The following KCNH7 variants were observed in gnomAD, a reference collection of about 807,000 sequenced individuals.
The protein encoded by KCNH7 is potassium voltage-gated channel subfamily H member 7.
KCNH7 carries 49 observed loss-of-function variants against 120.8 expected under a neutral mutation model. The ratio of observed to expected loss-of-function variants is 0.41; its 90% CI spans 0.32 to 0.51. The LOEUF is 0.51. Ranked by LOEUF, KCNH7 falls within the 20% of genes least tolerant of loss-of-function variation. The probability of loss-of-function intolerance (pLI) is 0.38; values close to 1 mark genes in which losing one functional copy is unlikely to be tolerated. For missense variants in KCNH7, 1,097 were observed against 1,446.6 expected, an observed-to-expected ratio of 0.76 and a Z score of 3.92; for synonymous variants, 547 against 516.1, an observed-to-expected ratio of 1.06 and a Z score of -0.81.
At chr2:162,624,596 G>A (rs1159727880) in intron 2 of KCNH7, among the ~76,000 whole-genome samples, 1 of 152,026 alleles carries the variant, frequency 6.6e-6, no homozygotes, top group African/African-American at 2.4e-5. Flanking sequence ...AATTTCCAAA[G>A]TTCTATTCAA....
At chr2:162,732,114 T>C (rs1687750528) in intron 2 of KCNH7, among the ~76,000 whole-genome samples, 1 of 152,026 alleles carries the variant, frequency 6.6e-6, no homozygotes, top group Non-Finnish European at 1.5e-5. Flanking sequence ...TCCAGAGTGG[T>C]GTAGGGAGCA....
At chr2:162,566,131 C>T (rs1440242543) in intron 2 of KCNH7, among the ~76,000 whole-genome samples, 1 of 151,864 alleles carries the variant, frequency 6.6e-6, no homozygotes, top group Admixed American at 6.6e-5. Context: ...GAGGCCGCTG[C>T]CTTTTGGGGA....
chr2:162,644,443 A>G (rs1237670945), intron 2 of KCNH7, among the ~76,000 whole-genome samples: 1 of 152,202 alleles, frequency 6.6e-6, no homozygotes, highest in African/African-American at 2.4e-5. Context: ...CTTAGTTTCT[A>G]TCACAACATA....
chr2:162,533,446 C>A (rs1266854844), intron 3 of KCNH7, among the ~76,000 whole-genome samples: 2 of 151,018 alleles, frequency 1.3e-5, no homozygotes, highest in Non-Finnish European at 3.0e-5. Flanking sequence ...AAGACACAAC[C>A]AAAACAAAGG....
intron 2 of KCNH7, among the ~76,000 whole-genome samples, chr2:162,776,813 T>G (rs1010567843): frequency 6.6e-6 from 1 of 152,210 alleles, no homozygotes; most frequent in Non-Finnish European, 1.5e-5. Context: ...CTGCTTCTCA[T>G]TCCCCATGGA....
chr2:162,578,898 T>A (rs1006280911), intron 2 of KCNH7, among the ~76,000 whole-genome samples: 2 of 151,756 alleles, frequency 1.3e-5, no homozygotes, highest in African/African-American at 4.8e-5. Flanking sequence ...TCTACTAAAA[T>A]CAAAAATTAG....
chr2:162,571,807 A>G (rs1161241373), intron 2 of KCNH7, among the ~76,000 whole-genome samples: 1 of 150,412 alleles, frequency 6.6e-6, no homozygotes, highest in South Asian at 2.1e-4. Context: ...AGGATTCCCT[A>G]TTTAATACAT....
chr2:162,761,561 A>AACATTTAAC (rs1688966975), intron 2 of KCNH7, among the ~76,000 whole-genome samples: 1 of 152,126 alleles, frequency 6.6e-6, no homozygotes. Context: ...ACATTCTACT[A>AACATTTAAC]AGCACTTTGA....
chr2:162,522,202 C>T (rs1691556396), intron 3 of KCNH7, among the ~76,000 whole-genome samples: 2 of 151,962 alleles, frequency 1.3e-5, no homozygotes, highest in Middle Eastern at 6.8e-3. Flanking sequence ...CTTTAATGCA[C>T]ATGAAATTGA....
intron 2 of KCNH7, among the ~76,000 whole-genome samples, chr2:162,717,558 T>TC (rs1687172014): frequency 1.3e-5 from 2 of 152,080 alleles, no homozygotes; most frequent in Admixed American, 1.3e-4. Flanking sequence ...GGAACACATT[T>TC]CCACTATCTG....
At chr2:162,640,852 A>G (rs1684128977) in intron 2 of KCNH7, among the ~76,000 whole-genome samples, 1 of 152,170 alleles carries the variant, frequency 6.6e-6, no homozygotes, top group Non-Finnish European at 1.5e-5. Context: ...AAACAACCCA[A>G]CTAGAAAATA....
At chr2:162,808,897 G>C (rs1331675517) in intron 2 of KCNH7, among the ~76,000 whole-genome samples, 7 of 152,186 alleles carry the variant, frequency 4.6e-5, no homozygotes, top group African/African-American at 1.2e-4. Context: ...TTTTGGATGG[G>C]ATAAGTAATC....
chr2:162,786,706 A>G (rs1355301700), intron 2 of KCNH7, among the ~76,000 whole-genome samples: 1 of 152,180 alleles, frequency 6.6e-6, no homozygotes, highest in Non-Finnish European at 1.5e-5. Context: ...AACATGACCT[A>G]TGTTGATTTG....
At position 162,518,049 on chromosome 2, in the gene KCNH7, AC is replaced by A; in HGVS notation, c.572del (p.Ser191MetfsTer5). 6.2e-7 allele frequency: 1 copy of A among 1,612,324 alleles called. No homozygotes were observed. The highest frequency in any genetic ancestry group is 8.5e-7 in the Non-Finnish European group (1 of 1,178,808). Reference sequence around the variant, plus strand: ...AATGCTTCATGGCTACTGAATCATCACTGTGTTTAGATGAATCGATGACCAC... The same window carrying A: ...AATGCTTCATGGCTACTGAATCATCATGTGTTTAGATGAATCGATGACCAC... ...DVVVIDSSKH[S>X]DDSVAMKHFK... On this transcript the variant is annotated frameshift_variant, in exon 4 of 16. Transcript: ENST00000332142. LOFTEE classifies it high-confidence loss of function.
At chr2:162,773,499 A>G (rs1165997650) in intron 2 of KCNH7, among the ~76,000 whole-genome samples, 1 of 152,172 alleles carries the variant, frequency 6.6e-6, no homozygotes. Context: ...AAAAAACAAA[A>G]CACAGAAAAC....
intron 6 of KCNH7, among the ~76,000 whole-genome samples, chr2:162,456,472 T>C (rs1258028660): frequency 1.3e-5 from 2 of 152,142 alleles, no homozygotes; most frequent in South Asian, 2.1e-4. Flanking sequence ...CTGAGAAGAA[T>C]GTATATTCTA....
Position 162,720,592 on chromosome 2 carries a change from A to T in KCNH7, c.307+115945T>A, listed in dbSNP as rs150618954. Among the ~76,000 whole-genome samples, 314 of 152,206 alleles carry T rather than the reference A, an allele frequency of 2.1e-3. 3 individuals are homozygous for T. The highest frequency in any genetic ancestry group is 7.2e-3 in the African/African-American group (301 of 41,550). On this transcript the variant is annotated intron_variant, in intron 2 of 15. Transcript: ENST00000332142. ...ATTTAAAAATAATAACAATATATAC[A>T]ATACTCTGTTGTAAGTTTCATATAG...
rs539729215 is a variant in KCNH7, at chr2:162,714,556, T to C, written c.307+121981A>G. 3.3e-4 allele frequency among the ~76,000 whole-genome samples: 50 copies of C among 152,296 alleles called. 1 individual carries two copies. Among genetic ancestry groups the C allele is most frequent in the African/African-American group, 1.2e-3 (49 of 41,556 alleles). On this transcript the variant is annotated intron_variant, in intron 2 of 15. Coordinates refer to ENST00000332142, the MANE Select transcript of KCNH7 (RefSeq NM_033272.4). ...TAACCAGGCTAGACTTCTTTAAAAATGTCTGTTTAAAACCTAAGGAGCTCC... is the reference window on the plus strand; with the variant it reads ...TAACCAGGCTAGACTTCTTTAAAAACGTCTGTTTAAAACCTAAGGAGCTCC...
At chr2:162,837,262 T>C (rs1685695617) in intron 1 of KCNH7, among the ~76,000 whole-genome samples, 1 of 152,194 alleles carries the variant, frequency 6.6e-6, no homozygotes, top group African/African-American at 2.4e-5. Flanking sequence ...GTTACACACA[T>C]CATGTTAAAA....
Sources: allele counts gnomAD v4.1 joint callset (sites outside exome capture counted in the v4.1 genomes callset), GRCh38; gene constraint gnomAD v4.1.1; transcripts MANE v1.5; gene names NCBI Gene and HGNC (gene_info 2026-07-23, HGNC 2026-07-21).